EXTL1: variants seen among roughly 807,000 people sequenced by gnomAD.
EXTL1 encodes exostosin-like 1.
A neutral mutation model predicts 64.6 loss-of-function variants in EXTL1; 43 were observed. The ratio of observed to expected loss-of-function variants is 0.67; its 90% CI spans 0.52 to 0.86. The LOEUF (loss-of-function observed/expected upper bound fraction) is 0.86, where lower values mean the gene tolerates loss of function less well. EXTL1 is among the 40% of genes least tolerant of loss of function. The pLI, the probability that EXTL1 is intolerant of heterozygous loss-of-function variation, is 0.00. For missense variants in EXTL1, 766 were observed against 879.0 expected (o/e 0.87, Z 1.62); for synonymous variants, 352 against 360.5 (o/e 0.98, Z 0.27).
rs61739493 is a variant in EXTL1, at chr1:26,035,179, G to A, written c.1863G>A (p.Pro621=). The A allele has an allele frequency of 5.6e-6, 9 of 1,602,006 alleles. No individual in the cohort carries two copies. In the South Asian group the frequency reaches 9.9e-5, roughly 18 times the overall value. The change falls in exon 11 of 11, where the codon CCG becomes CCA. Residue 621 remains proline (P), a synonymous_variant. Coordinates refer to ENST00000374280, the MANE Select transcript of EXTL1 (RefSeq NM_004455.3). The surrounding 1 kb of genome is among the most constrained non-coding windows in gnomAD (Gnocchi z 5.3). ...TTCCCTCTTAGGCGCCTGGGGGCCC[G>A]GGGCCCAGGCCAAAGCCGCCTGCCC... ...QEAAPLAPGG[P]GPRPKPPAPA...
Position 26,034,999 on chromosome 1 carries a change from C to G in EXTL1, c.1843C>G (p.Pro615Ala). ...TGGCAAGCAGCGCCAGGAGGCTGCT[C>G]CACTGGTGAGGGCTGAGGGGGATTG... ...PYGKQRQEAAPLAPGGPGPRP... is the reference protein window; with the variant it reads ...PYGKQRQEAAALAPGGPGPRP... Residue 615 changes from proline (P) to alanine (A), a missense_variant, in exon 10 of 11, where the codon CCA (proline) becomes GCA (alanine). By Grantham distance (27) the Pro-to-Ala change is conservative (BLOSUM62 -1). Around this residue, in one of 3 missense-constraint regions of EXTL1, gnomAD observed 194 missense variants for 214.5 expected, o/e 0.90. Transcript: ENST00000374280. The surrounding 1 kb of genome is among the most constrained non-coding windows in gnomAD (Gnocchi z 4.6). The G allele has an allele frequency of 6.2e-7, 1 of 1,614,128 alleles. No individual in the cohort carries two copies. The highest frequency in any genetic ancestry group is 1.7e-5 in the Admixed American group (1 of 60,032).
At position 26,035,562 on chromosome 1, in the gene EXTL1, C is replaced by T. The variant is rs995582122; in HGVS notation, c.*215C>T. ...CGCGGAGCCTCTGCGGAGGCTGAGC[C>T]CCGCGACCGGAGCGCCGCTCTCCGC... On this transcript the variant is annotated 3_prime_UTR_variant, in exon 11 of 11. Coordinates refer to ENST00000374280, the MANE Select transcript of EXTL1 (RefSeq NM_004455.3). This position sits in a 1 kb window ranked among gnomAD's most constrained non-coding sequence, Gnocchi z 5.3. 2.6e-5 allele frequency: 12 copies of T among 457,342 alleles called. No individual in the cohort carries two copies. The highest frequency in any genetic ancestry group is 2.0e-4 in the African/African-American group (10 of 50,454). The allele number at this position is 457,342 out of a possible 1,614,324, so 28.3% of individuals were successfully genotyped here. A position where few individuals can be genotyped will look rare whatever the true frequency, so the allele number is the denominator to read the frequency against.
At position 26,031,158 on chromosome 1, in the gene EXTL1, A is replaced by G; in HGVS notation, c.1128A>G (p.Thr376=). ...LEVIQDRIFG[T]SAHPSLLWNS... is the part of the protein sequence containing the mutation. Reference sequence around the variant, plus strand: ...TTATTCAGGACCGGATTTTTGGAACATCAGCTCACCCCTCACTGCTGTGGA... The same window carrying G: ...TTATTCAGGACCGGATTTTTGGAACGTCAGCTCACCCCTCACTGCTGTGGA... Residue 376 remains threonine, a synonymous_variant, in exon 5 of 11, where the codon ACA becomes ACG. Coordinates refer to ENST00000374280, the MANE Select transcript of EXTL1 (RefSeq NM_004455.3). The G allele has an allele frequency of 6.2e-7, 1 of 1,613,994 alleles. No homozygotes were observed.
Position 26,035,027 on chromosome 1 carries a change from C to A in EXTL1, c.1848+23C>A. ...CTGGTGAGGGCTGAGGGGGATTGGT[C>A]GGAACTGGCAGGGATTGGGCGGGGA... On this transcript the variant is annotated intron_variant, in intron 10 of 10. Transcript: ENST00000374280. The surrounding 1 kb of genome is among the most constrained non-coding windows in gnomAD (Gnocchi z 5.3). The A allele has an allele frequency of 1.2e-6, 2 of 1,612,850 alleles. No homozygotes were observed. Among genetic ancestry groups the A allele is most frequent in the South Asian group, 1.1e-5 (1 of 90,948 alleles).
chr1:26,035,255 T>G lies in EXTL1; in HGVS notation c.1939T>G (p.Leu647Val), dbSNP rs1159598898. 1 of 1,613,550 alleles carries G rather than the reference T, an allele frequency of 6.2e-7. No homozygotes were observed. Among genetic ancestry groups the G allele is most frequent in the Non-Finnish European group, 8.5e-7 (1 of 1,179,948 alleles). ...QIAAAFGHMP[L>V]LSSRLRLDPV... ...AGCGGCAGCGTTCGGCCACATGCCCTTGCTGTCCTCTCGTCTGCGTCTGGA... is the reference window on the plus strand; with the variant it reads ...AGCGGCAGCGTTCGGCCACATGCCCGTGCTGTCCTCTCGTCTGCGTCTGGA... Residue 647 changes from leucine (L) to valine (V), a missense_variant, in exon 11 of 11, where the codon TTG becomes GTG. Coordinates refer to ENST00000374280, the MANE Select transcript of EXTL1 (RefSeq NM_004455.3). This position sits in a 1 kb window ranked among gnomAD's most constrained non-coding sequence, Gnocchi z 5.3.
At position 26,023,261 on chromosome 1, in the gene EXTL1, C is replaced by T. The variant is rs1218018158; in HGVS notation, c.615C>T (p.His205=). The change falls in exon 1 of 11, where the codon CAC becomes CAT. Residue 205 remains histidine (H), a synonymous_variant. Transcript: ENST00000374280. ...DVALPFLPEA[H]PLRGGAPGQL... ...CCCTCCCTTTTCTCCCTGAAGCCCACCCGTTGCGAGGTGGGGCTCCTGGCC... is the reference window on the plus strand; with the variant it reads ...CCCTCCCTTTTCTCCCTGAAGCCCATCCGTTGCGAGGTGGGGCTCCTGGCC... The T allele has an allele frequency of 6.3e-7, 1 of 1,589,008 alleles. No homozygotes were observed. The highest frequency in any genetic ancestry group is 2.3e-5 in the East Asian group (1 of 44,432).
In EXTL1 at chr1:26,022,288, C is replaced by T. The variant is rs572527249; in HGVS notation, c.-359C>T. On this transcript the variant is annotated 5_prime_UTR_variant, in exon 1 of 11. In the 5' UTR this introduces an upstream ATG that the reference lacks. Coordinates refer to ENST00000374280, the MANE Select transcript of EXTL1 (RefSeq NM_004455.3). Reference sequence around the variant, plus strand: ...GTGCAGCCAGGAGGGCAGGGGGACACGGCCCTGCATTCTGGACAGGGGTTG... The same window carrying T: ...GTGCAGCCAGGAGGGCAGGGGGACATGGCCCTGCATTCTGGACAGGGGTTG... The T allele has an allele frequency of 1.4e-5, 3 of 209,168 alleles. No homozygotes were observed. Among genetic ancestry groups the T allele is most frequent in the African/African-American group, 4.6e-5 (2 of 43,476 alleles). The allele number at this position is 209,168 out of a possible 1,614,324, so 13.0% of individuals were successfully genotyped here.
At chr1:26,027,831 G>C (rs1310214801) in intron 1 of EXTL1, among the ~76,000 whole-genome samples, 5 of 152,160 alleles carry the variant, frequency 3.3e-5, no homozygotes, top group Non-Finnish European at 7.3e-5. Context: ...GGGTGACAGA[G>C]CAAGAGCTTG....
In EXTL1 at chr1:26,022,450, T is replaced by C. The variant is rs2124397659; in HGVS notation, c.-197T>C. ...GCAAGCTGGGTCCCACCTGGCCTCC[T>C]CCTGCCTGGCTGGTGACTCACTATC... On this transcript the variant is annotated 5_prime_UTR_variant, in exon 1 of 11. Transcript: ENST00000374280. 2 of 533,508 alleles carry C rather than the reference T, an allele frequency of 3.7e-6. No individual in the cohort carries two copies. The highest frequency in any genetic ancestry group is 6.1e-5 in the South Asian group (2 of 32,676). The allele number at this position is 533,508 out of a possible 1,614,324, so 33.0% of individuals were successfully genotyped here. A position where few individuals can be genotyped will look rare whatever the true frequency, so the allele number is the denominator to read the frequency against.
In EXTL1 at chr1:26,022,801, C is replaced by G; in HGVS notation, c.155C>G (p.Ala52Gly). Reference sequence around the variant, plus strand: ...CAAGGCTGGCCCCGCTGGCTGGATGCAGAGCTCCTGCAGAGCTTCTCCCAG... The same window carrying G: ...CAAGGCTGGCCCCGCTGGCTGGATGGAGAGCTCCTGCAGAGCTTCTCCCAG... ...ASQGWPRWLD[A>G]ELLQSFSQPG... The change falls in exon 1 of 11, where the codon GCA becomes GGA. Residue 52 changes from alanine (A) to glycine (G), a missense_variant. By Grantham distance (60) the Ala-to-Gly change is moderately conservative. Around this residue, in one of 3 missense-constraint regions of EXTL1, gnomAD observed 571 missense variants for 647.6 expected, o/e 0.88. Coordinates refer to ENST00000374280, the MANE Select transcript of EXTL1 (RefSeq NM_004455.3). 1 of 1,614,068 alleles carries G rather than the reference C, an allele frequency of 6.2e-7. No homozygotes were observed.
In EXTL1 at chr1:26,025,272, C is replaced by A. The variant is rs2050202537; in HGVS notation, c.779+1847C>A. 6.6e-6 allele frequency among the ~76,000 whole-genome samples: 1 copy of A among 152,232 alleles called. No individual in the cohort carries two copies. Among genetic ancestry groups the A allele is most frequent in the Non-Finnish European group, 1.5e-5 (1 of 68,040 alleles). Reference sequence around the variant, plus strand: ...ATTCACAGTCCCTGCCACCTCCCCACATTCACTCAGCCGGGCGAGAGTGGG... The same window carrying A: ...ATTCACAGTCCCTGCCACCTCCCCAAATTCACTCAGCCGGGCGAGAGTGGG... On this transcript the variant is annotated intron_variant, in intron 1 of 10. Transcript: ENST00000374280. The surrounding 1 kb of genome is among the most constrained non-coding windows in gnomAD (Gnocchi z 5.3).
chr1:26,027,693 A>AAAGAAAAAAAAAAAAAAAAAAAAAAAAG (rs2050233082), intron 1 of EXTL1, among the ~76,000 whole-genome samples: 1 of 131,458 alleles, frequency 7.6e-6, no homozygotes, highest in Non-Finnish European at 1.6e-5. Flanking sequence ...CATCTCTAAA[A>AAAGAAAAAAAAAAAAAAAAAAAAAAAAG]AAAAAAAAAA....
chr1:26,027,835 G>A (rs577716784), intron 1 of EXTL1, among the ~76,000 whole-genome samples: 1 of 152,250 alleles, frequency 6.6e-6, no homozygotes, highest in East Asian at 1.9e-4. Context: ...GACAGAGCAA[G>A]AGCTTGTCTC....
Position 26,034,793 on chromosome 1 carries a change from TG to T in EXTL1, c.1680-41del. On this transcript the variant is annotated intron_variant, in intron 9 of 10. Coordinates refer to ENST00000374280, the MANE Select transcript of EXTL1 (RefSeq NM_004455.3). This position sits in a 1 kb window ranked among gnomAD's most constrained non-coding sequence, Gnocchi z 4.6. ...GAGGGAGGAGAATGGGGCCTGGGGA[TG>T]GATTTGGCTGCAGCCTCTCCCTGTC... The T allele has an allele frequency of 6.3e-7, 1 of 1,589,188 alleles. No homozygotes were observed. Among genetic ancestry groups the T allele is most frequent in the Non-Finnish European group, 8.6e-7 (1 of 1,162,040 alleles).
At position 26,023,216 on chromosome 1, in the gene EXTL1, C is replaced by T. The variant is rs904886908; in HGVS notation, c.570C>T (p.Phe190=). Residue 190 remains phenylalanine (F), a synonymous_variant, in exon 1 of 11, where the codon TTC becomes TTT. Coordinates refer to ENST00000374280, the MANE Select transcript of EXTL1 (RefSeq NM_004455.3). The part of the protein sequence containing the change: ...VAEASPTVDS[F]RPGFDVALPF... Reference sequence around the variant, plus strand: ...AGGCCAGCCCCACGGTGGACTCCTTCCGGCCCGGCTTTGATGTGGCCCTCC... The same window carrying T: ...AGGCCAGCCCCACGGTGGACTCCTTTCGGCCCGGCTTTGATGTGGCCCTCC... 6.2e-7 allele frequency: 1 copy of T among 1,611,224 alleles called. No individual in the cohort carries two copies. Among genetic ancestry groups the T allele is most frequent in the East Asian group, 2.2e-5 (1 of 44,790 alleles).
rs368362104 is a variant in EXTL1 at position 26,030,687 on chromosome 1, ACC to A, written c.1101+101_1101+102del. On this transcript the variant is annotated intron_variant, in intron 4 of 10. Coordinates refer to ENST00000374280, the MANE Select transcript of EXTL1 (RefSeq NM_004455.3). The stretch of plus-strand genomic sequence containing the variant: ...ACTTCTCTGCCACAGTGTTTGGGGA[ACC>A]CCCCCCCCTTCCTTGAAGATGGTCC... 1.2e-4 allele frequency: 144 copies of A among 1,183,788 alleles called. 1 individual carries two copies. The African/African-American group carries it at 1.2e-3, about 10-fold the overall frequency. The allele number at this position is 1,183,788 out of a possible 1,614,324, so 73.3% of individuals were successfully genotyped here. A position where few individuals can be genotyped will look rare whatever the true frequency, so the allele number is the denominator to read the frequency against.
In EXTL1 at chr1:26,022,578, C is replaced by T; in HGVS notation, c.-69C>T. 1 of 1,370,426 alleles carries T rather than the reference C, an allele frequency of 7.3e-7. No homozygotes were observed. Among genetic ancestry groups the T allele is most frequent in the Non-Finnish European group, 1.0e-6 (1 of 996,630 alleles). The allele number at this position is 1,370,426 out of a possible 1,614,324, so 84.9% of individuals were successfully genotyped here. Reference sequence around the variant, plus strand: ...CGGTCCCAGCTCTGGTCTCCCGCCCCAGGCCCTGCTCTTCCTGCTTGCTGG... The same window carrying T: ...CGGTCCCAGCTCTGGTCTCCCGCCCTAGGCCCTGCTCTTCCTGCTTGCTGG... On this transcript the variant is annotated 5_prime_UTR_variant, in exon 1 of 11. Transcript: ENST00000374280.
chr1:26,022,777 A>G lies in EXTL1; in HGVS notation c.131A>G (p.Gln44Arg), dbSNP rs1324699271. Reference sequence around the variant, plus strand: ...CCCAGACCTCGGCCCGGGGCTTCCCAAGGCTGGCCCCGCTGGCTGGATGCA... The same window carrying G: ...CCCAGACCTCGGCCCGGGGCTTCCCGAGGCTGGCCCCGCTGGCTGGATGCA... ...LPPRPRPGASQGWPRWLDAEL... is the reference protein window; with the variant it reads ...LPPRPRPGASRGWPRWLDAEL... Residue 44 changes from glutamine (Q) to arginine (R), a missense_variant, in exon 1 of 11, where the codon CAA (glutamine) becomes CGA (arginine). By Grantham distance (43) the Gln-to-Arg change is conservative (BLOSUM62 1). This residue lies in a region of EXTL1 where 571 missense variants were observed against 647.6 expected (regional missense o/e 0.88). Transcript: ENST00000374280. 3.1e-6 allele frequency: 5 copies of G among 1,613,768 alleles called. No homozygotes were observed. Among genetic ancestry groups the G allele is most frequent in the Non-Finnish European group, 4.2e-6 (5 of 1,179,904 alleles).
chr1:26,030,088 C>T (rs572818451), intron 3 of EXTL1, among the ~76,000 whole-genome samples: 22 of 152,296 alleles, frequency 1.4e-4, no homozygotes, highest in African/African-American at 4.1e-4. Flanking sequence ...GAAAGCAAAA[C>T]GCATGGCGAC....
Sources: allele counts gnomAD v4.1 joint callset (sites outside exome capture counted in the v4.1 genomes callset), GRCh38; gene constraint gnomAD v4.1.1; regional missense constraint gnomAD v4.1.1; non-coding constraint Gnocchi (gnomAD v3.1); transcripts MANE v1.5; gene names NCBI Gene and HGNC (gene_info 2026-07-23, HGNC 2026-07-21).